COP1: variants seen among roughly 807,000 people sequenced by gnomAD.
COP1 encodes E3 ubiquitin-protein ligase COP1.
Under a neutral mutation model 101.3 loss-of-function variants are expected in COP1, and 24 were observed. That is an observed-to-expected ratio of 0.24 (90% CI 0.17 to 0.33). The LOEUF is 0.33. Ranked by LOEUF, COP1 falls within the 10% of genes least tolerant of loss-of-function variation. The pLI is 1.00. For missense variants in COP1, 663 were observed against 906.2 expected, an observed-to-expected ratio of 0.73 and a Z score of 3.45; for synonymous variants, 347 against 341.9, an observed-to-expected ratio of 1.01 and a Z score of -0.17.
In COP1 at chr1:176,176,972, T is replaced by G. The variant is rs12568168; in HGVS notation, c.468-965A>C. ...AGGTTTTTACATACCCTTTTGAATA[T>G]TTTACTTCTAGGAATTTATCCTAAG... On this transcript the variant is annotated intron_variant, in intron 2 of 19. Transcript: ENST00000367669. Among the ~76,000 whole-genome samples the G allele has an allele frequency of 1.7e-3, 264 of 152,240 alleles. 7 individuals are homozygous for G. The East Asian group carries it at 0.046, about 27-fold the overall frequency.
At chr1:176,116,918 T>C (rs1389456968) in intron 8 of COP1, among the ~76,000 whole-genome samples, 1 of 152,130 alleles carries the variant, frequency 6.6e-6, no homozygotes, top group Non-Finnish European at 1.5e-5. Flanking sequence ...ATAATGTCAA[T>C]AGGGGATAAT....
chr1:176,143,750 ACC>A (rs1255517601), intron 6 of COP1, among the ~76,000 whole-genome samples: 4 of 151,976 alleles, frequency 2.6e-5, no homozygotes, highest in Non-Finnish European at 4.4e-5. Flanking sequence ...TAACTAAGAC[ACC>A]CCTGGGCCAA....
At chr1:175,994,319 G>C (rs1659517716) in intron 15 of COP1, among the ~76,000 whole-genome samples, 1 of 152,148 alleles carries the variant, frequency 6.6e-6, no homozygotes, top group African/African-American at 2.4e-5. Flanking sequence ...ATCGAGGCTA[G>C]GAAGAAACTG....
At chr1:176,174,144 G>A (rs1243732134) in intron 3 of COP1, among the ~76,000 whole-genome samples, 2 of 151,860 alleles carry the variant, frequency 1.3e-5, no homozygotes, top group Non-Finnish European at 2.9e-5. Context: ...GTGAACTAAG[G>A]AATGTTGCCT....
At chr1:176,002,486 C>A (rs1303280748) in intron 15 of COP1, among the ~76,000 whole-genome samples, 1 of 151,240 alleles carries the variant, frequency 6.6e-6, no homozygotes, top group Non-Finnish European at 1.5e-5. Flanking sequence ...GGTATATCTC[C>A]CAATGCTATC....
chr1:176,152,277 T>C (rs1375299465), intron 5 of COP1, among the ~76,000 whole-genome samples: 2 of 151,872 alleles, frequency 1.3e-5, no homozygotes, highest in Non-Finnish European at 2.9e-5. Context: ...AAAAAAAAAT[T>C]ATACATAATA....
chr1:176,158,452 G>A (rs1693803753), intron 5 of COP1, among the ~76,000 whole-genome samples: 1 of 151,816 alleles, frequency 6.6e-6, no homozygotes, highest in African/African-American at 2.4e-5. Flanking sequence ...AAAGAATAAA[G>A]GACACCAGAA....
chr1:175,951,883 T>A (rs201738854), intron 18 of COP1, among the ~76,000 whole-genome samples: 3 of 12,708 alleles, frequency 2.4e-4, no homozygotes, highest in East Asian at 0.021. Context: ...TATGAAAACG[T>A]TAAGACTAAA....
chr1:176,133,158 A>G (rs1005987317), intron 8 of COP1, among the ~76,000 whole-genome samples: 1 of 139,112 alleles, frequency 7.2e-6, no homozygotes, highest in Non-Finnish European at 1.6e-5. Context: ...ACGTACATAT[A>G]TATACGTATG....
At chr1:176,151,391 AAG>A (rs1491403624) in intron 5 of COP1, among the ~76,000 whole-genome samples, 2 of 125,440 alleles carry the variant, frequency 1.6e-5, no homozygotes, top group African/African-American at 5.1e-5. Flanking sequence ...GAAAGAAAGA[AAG>A]AAAGAAAGAA....
chr1:175,958,239 A>G (rs1182247696), intron 18 of COP1, among the ~76,000 whole-genome samples: 2 of 152,098 alleles, frequency 1.3e-5, no homozygotes, highest in South Asian at 2.1e-4. Context: ...TACGTATTTT[A>G]TAAGTTAACT....
intron 6 of COP1, among the ~76,000 whole-genome samples, chr1:176,137,034 C>A (rs1025744390): frequency 1.6e-4 from 24 of 152,228 alleles, no homozygotes; most frequent in African/African-American, 5.5e-4. Flanking sequence ...AGGCGTGAGC[C>A]ACTGCACCAG....
intron 9 of COP1, among the ~76,000 whole-genome samples, chr1:176,111,679 CATTTT>C (rs1413974408): frequency 6.6e-6 from 1 of 152,062 alleles, no homozygotes; most frequent in African/African-American, 2.4e-5. Flanking sequence ...GGAAAGTATA[CATTTT>C]ATTTATACGA....
intron 15 of COP1, among the ~76,000 whole-genome samples, chr1:175,994,414 T>G (rs1365106232): frequency 6.6e-6 from 1 of 152,116 alleles, no homozygotes; most frequent in Non-Finnish European, 1.5e-5. Context: ...TAAAGGTAAA[T>G]GGACTAAATG....
chr1:176,177,511 A>G (rs1024492185), intron 2 of COP1, among the ~76,000 whole-genome samples: 1 of 152,124 alleles, frequency 6.6e-6, no homozygotes, highest in Non-Finnish European at 1.5e-5. Context: ...CAATGTTAAC[A>G]GTATTTGTTT....
At chr1:176,182,187 C>T (rs958527397) in intron 2 of COP1, among the ~76,000 whole-genome samples, 3 of 152,166 alleles carry the variant, frequency 2.0e-5, no homozygotes, top group South Asian at 2.1e-4. Context: ...AAAAACCTCA[C>T]TTCACAATCT....
At chr1:175,975,615 G>C (rs1654349782) in intron 18 of COP1, among the ~76,000 whole-genome samples, 5 of 152,066 alleles carry the variant, frequency 3.3e-5, no homozygotes. Flanking sequence ...TTGCATGTTG[G>C]TTAGGCTGGT....
At chr1:176,141,762 A>G (rs537559688) in intron 6 of COP1, among the ~76,000 whole-genome samples, 1 of 147,256 alleles carries the variant, frequency 6.8e-6, no homozygotes, top group Non-Finnish European at 1.5e-5. Flanking sequence ...ACAGGGACTC[A>G]TTTTGTCACC....
intron 19 of COP1, 151 bp from the exon 20 acceptor site, chr1:175,945,321 A>G (rs1649025283): frequency 1.7e-6 from 1 of 604,554 alleles, no homozygotes; most frequent in East Asian, 3.0e-5. Context: ...TGGATTGGAC[A>G]TTAATCCTTT....
Sources: gnomAD v4.1 joint callset for allele counts (sites outside exome capture counted in the v4.1 genomes callset) on GRCh38, gnomAD v4.1.1 for gene constraint, MANE v1.5 for transcripts, NCBI Gene and HGNC (gene_info 2026-07-23, HGNC 2026-07-21) for gene names.